PLCB1: variants seen among roughly 807,000 people sequenced by gnomAD.
PLCB1 encodes 1-phosphatidylinositol 4,5-bisphosphate phosphodiesterase beta-1.
Under a neutral mutation model 161.8 loss-of-function variants are expected in PLCB1, and 46 were observed. That is an observed-to-expected ratio of 0.28 (90% confidence interval 0.22 to 0.36). The LOEUF is 0.36. Ranked by LOEUF, PLCB1 falls within the 10% of genes least tolerant of loss-of-function variation. The pLI, the probability that PLCB1 is intolerant of heterozygous loss-of-function variation, is 1.00. For missense variants in PLCB1, 1,016 were observed against 1,472.5 expected, an observed-to-expected ratio of 0.69 and a Z score of 5.07; for synonymous variants, 517 against 503.7, an observed-to-expected ratio of 1.03 and a Z score of -0.35.
chr20:8,642,997 A>G (rs1360441391), intron 4 of PLCB1, among the ~76,000 whole-genome samples: 1 of 152,212 alleles, frequency 6.6e-6, no homozygotes, highest in Non-Finnish European at 1.5e-5. Context: ...TTTTAAGGAA[A>G]ATTGATTTTT....
chr20:8,180,938 AGTGTGTGTGTGTGT>A (rs10604975), intron 2 of PLCB1, among the ~76,000 whole-genome samples: 57 of 149,724 alleles, frequency 3.8e-4, no homozygotes, highest in African/African-American at 9.8e-4. Context: ...ATAATGTAAA[AGTGTGTGTGTGTGT>A]GTGTGTGTGT....
intron 3 of PLCB1, among the ~76,000 whole-genome samples, chr20:8,563,887 G>A (rs941048861): frequency 6.6e-6 from 1 of 152,128 alleles, no homozygotes; most frequent in African/African-American, 2.4e-5. Context: ...TCATGGATAG[G>A]AAGAATCAAT....
In PLCB1 at chr20:8,684,953, T is replaced by G. The variant is rs1990323236; in HGVS notation, c.884T>G (p.Phe295Cys). ...ARKGQISVDG[F>C]MRYLSGEENG... ...CCAGGACAAATATCAGTGGATGGGTTCATGCGCTATCTGAGTGGAGAAGAA... is the reference window on the plus strand; with the variant it reads ...CCAGGACAAATATCAGTGGATGGGTGCATGCGCTATCTGAGTGGAGAAGAA... The change falls in exon 10 of 32, where the codon TTC (phenylalanine) becomes TGC (cysteine). Residue 295 changes from phenylalanine to cysteine, a missense_variant. Phe to Cys is a radical substitution (Grantham distance 205). Around this residue, in one of 10 missense-constraint regions of PLCB1, gnomAD observed 117 missense variants for 142.2 expected, o/e 0.82. Coordinates refer to ENST00000338037, the MANE Select transcript of PLCB1 (RefSeq NM_015192.4). The G allele has an allele frequency of 6.2e-7, 1 of 1,613,780 alleles. No individual in the cohort carries two copies. The highest frequency in any genetic ancestry group is 1.3e-5 in the African/African-American group (1 of 74,872).
At chr20:8,411,616 C>A (rs535093940) in intron 3 of PLCB1, among the ~76,000 whole-genome samples, 2 of 152,294 alleles carry the variant, frequency 1.3e-5, no homozygotes, top group East Asian at 1.9e-4. Context: ...AGAGATCCTG[C>A]ATTCCATTTG....
At chr20:8,858,892 A>G (rs927517498) in intron 31 of PLCB1, among the ~76,000 whole-genome samples, 33 of 140,476 alleles carry the variant, frequency 2.3e-4, no homozygotes, top group Non-Finnish European at 4.8e-4. Context: ...GTGTTCTCAA[A>G]CTCTGGCAAT....
chr20:8,852,890 C>T (rs895438450), intron 31 of PLCB1, among the ~76,000 whole-genome samples: 12 of 152,202 alleles, frequency 7.9e-5, no homozygotes, highest in Non-Finnish European at 1.5e-5. Context: ...ATGAAGTGAC[C>T]TCTGATTTTG....
intron 2 of PLCB1, among the ~76,000 whole-genome samples, chr20:8,298,270 G>A (rs191047259): frequency 6.6e-4 from 98 of 147,776 alleles, no homozygotes; most frequent in African/African-American, 2.3e-3. Flanking sequence ...ACTCCATACT[G>A]TGTGACAGAG....
At chr20:8,592,338 A>G (rs1163764767) in intron 3 of PLCB1, among the ~76,000 whole-genome samples, 2 of 152,232 alleles carry the variant, frequency 1.3e-5, no homozygotes, top group Non-Finnish European at 2.9e-5. Flanking sequence ...GATTACTTGT[A>G]TTTTATCACT....
chr20:8,820,107 T>G (rs6056161), intron 31 of PLCB1, among the ~76,000 whole-genome samples: 3,967 of 129,780 alleles, frequency 0.031, 160 homozygotes, highest in African/African-American at 0.14. Context: ...TTTATTTATG[T>G]TTTTTTTTTT....
chr20:8,858,140 C>T (rs1213878383), intron 31 of PLCB1, among the ~76,000 whole-genome samples: 1 of 152,040 alleles, frequency 6.6e-6, no homozygotes, highest in Non-Finnish European at 1.5e-5. Flanking sequence ...TTTAGCCAAT[C>T]CTTAACTACC....
intron 3 of PLCB1, among the ~76,000 whole-genome samples, chr20:8,543,015 C>T (rs370289339): frequency 6.6e-6 from 1 of 152,292 alleles, no homozygotes; most frequent in East Asian, 1.9e-4. Context: ...ACAGATCAAA[C>T]CTCTGCCCTT....
chr20:8,639,784 C>G (rs1988880752), intron 4 of PLCB1, among the ~76,000 whole-genome samples: 1 of 151,690 alleles, frequency 6.6e-6, no homozygotes, highest in African/African-American at 2.4e-5. Flanking sequence ...GTTCTGAAAT[C>G]CAATAAATTA....
chr20:8,201,373 T>C (rs2123126365), intron 2 of PLCB1, among the ~76,000 whole-genome samples: 1 of 152,244 alleles, frequency 6.6e-6, no homozygotes, highest in South Asian at 2.1e-4. Context: ...CCTCTCCATG[T>C]ATGTAATCAA....
chr20:8,809,863 G>C (rs2146250545), intron 31 of PLCB1, among the ~76,000 whole-genome samples: 1 of 152,106 alleles, frequency 6.6e-6, no homozygotes, highest in Middle Eastern at 3.4e-3. Context: ...CTTACACCTA[G>C]CATTGACAAC....
At chr20:8,782,444 G>A (rs1229518230) in intron 27 of PLCB1, among the ~76,000 whole-genome samples, 2 of 152,136 alleles carry the variant, frequency 1.3e-5, no homozygotes, top group African/African-American at 2.4e-5. Context: ...CCAGGCTGGA[G>A]GGCAGTGGTA....
chr20:8,317,980 G>A (rs952523648), intron 2 of PLCB1, among the ~76,000 whole-genome samples: 2 of 149,412 alleles, frequency 1.3e-5, no homozygotes, highest in African/African-American at 5.0e-5. Context: ...AATTCATTAA[G>A]AATTATTTCT....
At chr20:8,635,724 A>G (rs1988744093) in intron 4 of PLCB1, among the ~76,000 whole-genome samples, 1 of 152,182 alleles carries the variant, frequency 6.6e-6, no homozygotes, top group African/African-American at 2.4e-5. Flanking sequence ...GGAGAGGGGA[A>G]TTTCTTTTAA....
intron 31 of PLCB1, among the ~76,000 whole-genome samples, chr20:8,798,787 A>G (rs1366797945): frequency 6.6e-6 from 1 of 152,238 alleles, no homozygotes; most frequent in Non-Finnish European, 1.5e-5. Context: ...GGAACCCACA[A>G]TAGCTGGAAA....
At chr20:8,536,792 C>G (rs1985069447) in intron 3 of PLCB1, among the ~76,000 whole-genome samples, 1 of 152,084 alleles carries the variant, frequency 6.6e-6, no homozygotes, top group South Asian at 2.1e-4. Flanking sequence ...CAATCCCAAG[C>G]CAGCACAGAT....
Sources: allele counts gnomAD v4.1 joint callset (sites outside exome capture counted in the v4.1 genomes callset), GRCh38; gene constraint gnomAD v4.1.1; regional missense constraint gnomAD v4.1.1; transcripts MANE v1.5; gene names NCBI Gene and HGNC (gene_info 2026-07-23, HGNC 2026-07-21).